Variants in SHC4 observed in about 807,000 individuals in gnomAD.
SHC4 encodes SHC adaptor protein 4, also known as SHC-transforming protein 4.
A neutral mutation model predicts 69.4 loss-of-function variants in SHC4; 41 were observed. The observed-to-expected ratio is 0.59, with a 90% confidence interval of 0.46 to 0.77. The LOEUF (loss-of-function observed/expected upper bound fraction) is 0.77. Among genes scored for constraint, SHC4 ranks in the 30% least tolerant of loss-of-function variants. SHC4 has a pLI of 0.00. For synonymous variants in SHC4, 318 were observed against 299.3 expected, an observed-to-expected ratio of 1.06 and a Z score of -0.64; for missense variants, 777 against 783.8, an observed-to-expected ratio of 0.99 and a Z score of 0.10.
chr15:48,901,959 T>C (rs1360323370), intron 2 of SHC4, among the ~76,000 whole-genome samples: 1 of 152,128 alleles, frequency 6.6e-6, no homozygotes, highest in Non-Finnish European at 1.5e-5. Context: ...CCCAGCACTT[T>C]GGGAGGCCGA....
At chr15:48,832,116 C>T (rs1898815257) in intron 11 of SHC4, among the ~76,000 whole-genome samples, 1 of 152,082 alleles carries the variant, frequency 6.6e-6, no homozygotes, top group Admixed American at 6.5e-5. Flanking sequence ...ACTTAAAATA[C>T]AAAAAATTAG....
rs887059531 is a variant in SHC4 at position 48,963,675 on chromosome 15, G to A, written c.-660C>T. Among the ~76,000 whole-genome samples the A allele has an allele frequency of 6.6e-6, 1 of 152,158 alleles. No homozygotes were observed. Among genetic ancestry groups the A allele is most frequent in the African/African-American group, 2.4e-5 (1 of 41,424 alleles). Reference sequence around the variant, plus strand: ...GCCACCAGCCAGGAGTACTACTGACGGGCGCTGCTCCGCATTGTTTCACTG... The same window carrying A: ...GCCACCAGCCAGGAGTACTACTGACAGGCGCTGCTCCGCATTGTTTCACTG... On this transcript the variant is annotated 5_prime_UTR_variant, in exon 1 of 12. Transcript: ENST00000332408.
At chr15:48,928,171 C>CAAA (rs1239471334) in intron 1 of SHC4, among the ~76,000 whole-genome samples, 1 of 151,908 alleles carries the variant, frequency 6.6e-6, no homozygotes, top group East Asian at 1.9e-4. Flanking sequence ...CAGGCCAGAA[C>CAAA]AACGTCTTTG....
chr15:48,834,573 C>T (rs1898864699), intron 11 of SHC4, among the ~76,000 whole-genome samples, 196 bp downstream of exon 11: 1 of 152,090 alleles, frequency 6.6e-6, no homozygotes, highest in Non-Finnish European at 1.5e-5. Context: ...CTGTCCTCTG[C>T]TTGATACTCC....
At chr15:48,895,131 T>C (rs1265615717) in intron 2 of SHC4, among the ~76,000 whole-genome samples, 1 of 152,060 alleles carries the variant, frequency 6.6e-6, no homozygotes, top group Non-Finnish European at 1.5e-5. Context: ...GCACTCTTTA[T>C]GGTCAGGCCC....
At chr15:48,878,997 TTTG>T (rs1899887447) in intron 4 of SHC4, 1 of 379,718 alleles carries the variant, frequency 2.6e-6, no homozygotes, top group East Asian at 4.2e-5. Context: ...TGGCTTTGAC[TTTG>T]TTATTGATCC....
At chr15:48,857,660 ATT>A (rs779355106) in intron 7 of SHC4, 30 bp downstream of exon 7, 1 of 1,560,090 alleles carries the variant, frequency 6.4e-7, no homozygotes, top group Non-Finnish European at 8.7e-7. Flanking sequence ...ATATATATAT[ATT>A]GTCAAATTAT....
At chr15:48,880,537 A>G (rs538019789) in intron 4 of SHC4, among the ~76,000 whole-genome samples, 25 of 151,640 alleles carry the variant, frequency 1.6e-4, no homozygotes, top group African/African-American at 5.8e-4. Flanking sequence ...AAACTCTTGG[A>G]AAAAAAAATC....
chr15:48,826,213 T>C (rs1267515637), intron 11 of SHC4, 87 bp from the exon 12 acceptor site: 2 of 1,299,406 alleles, frequency 1.5e-6, no homozygotes, highest in East Asian at 2.4e-5. Flanking sequence ...ATGCCAGATA[T>C]ATCCCTAAAG....
intron 1 of SHC4, among the ~76,000 whole-genome samples, chr15:48,943,547 T>C (rs1901215223): frequency 6.6e-6 from 1 of 152,200 alleles, no homozygotes; most frequent in Non-Finnish European, 1.5e-5. Flanking sequence ...CTGTGAATAA[T>C]GCTACAATGA....
At chr15:48,836,418 T>G (rs1321677979) in intron 10 of SHC4, among the ~76,000 whole-genome samples, 1 of 152,184 alleles carries the variant, frequency 6.6e-6, no homozygotes, top group African/African-American at 2.4e-5. Flanking sequence ...TTACTTGGGG[T>G]AGCCTTCAGC....
At chr15:48,885,747 C>G (rs1900023984) in intron 3 of SHC4, among the ~76,000 whole-genome samples, 1 of 152,186 alleles carries the variant, frequency 6.6e-6, no homozygotes, top group South Asian at 2.1e-4. Flanking sequence ...CAAGCACATT[C>G]TAAAATGTAG....
intron 3 of SHC4, among the ~76,000 whole-genome samples, chr15:48,890,387 G>A (rs900773901): frequency 6.6e-6 from 1 of 152,130 alleles, no homozygotes; most frequent in African/African-American, 2.4e-5. Flanking sequence ...AAATTGGAAG[G>A]CACTAAACTG....
At chr15:48,889,914 A>C (rs531469334) in intron 3 of SHC4, among the ~76,000 whole-genome samples, 2 of 152,332 alleles carry the variant, frequency 1.3e-5, no homozygotes, top group East Asian at 3.9e-4. Context: ...TGATTTATAT[A>C]GTTATCTCAA....
At chr15:48,828,751 A>T (rs1898740615) in intron 11 of SHC4, among the ~76,000 whole-genome samples, 1 of 152,168 alleles carries the variant, frequency 6.6e-6, no homozygotes, top group Non-Finnish European at 1.5e-5. Context: ...CATTTTCCTG[A>T]TGATTAATGA....
intron 7 of SHC4, among the ~76,000 whole-genome samples, chr15:48,857,297 C>G (rs1899339185): frequency 6.6e-6 from 1 of 151,482 alleles, no homozygotes; most frequent in East Asian, 1.9e-4. Flanking sequence ...GCTCTTTGTT[C>G]TTGCTGTGTT....
At chr15:48,948,077 G>C (rs1901305251) in intron 1 of SHC4, 1 of 152,232 alleles carries the variant, frequency 6.6e-6, no homozygotes, top group South Asian at 2.1e-4. Flanking sequence ...ACAGGGTCTT[G>C]GATAGGATTC....
chr15:48,868,000 C>A, intron 5 of SHC4, 131 bp from the exon 6 acceptor site: 1 of 697,742 alleles, frequency 1.4e-6, no homozygotes, highest in Non-Finnish European at 2.4e-6. Context: ...ACAAGAAAAG[C>A]ATTGTAAAAG....
At chr15:48,877,389 C>T in intron 4 of SHC4, 5 of 937,154 alleles carry the variant, frequency 5.3e-6, no homozygotes, top group Non-Finnish European at 6.4e-6. Flanking sequence ...TGCTTGAATC[C>T]TGTAAGTATA....
Sources: gnomAD v4.1 joint callset for allele counts (sites outside exome capture counted in the v4.1 genomes callset) on GRCh38, gnomAD v4.1.1 for gene constraint, MANE v1.5 for transcripts, NCBI Gene and HGNC (gene_info 2026-07-23, HGNC 2026-07-21) for gene names.